The following ZNF329 variants were observed in gnomAD, a reference collection of about 807,000 sequenced individuals.
ZNF329 encodes zinc finger protein 329.
Under a neutral mutation model 26.6 loss-of-function variants are expected in ZNF329, and 15 were observed. That is an observed-to-expected ratio of 0.56 (90% confidence interval 0.38 to 0.87). The LOEUF (loss-of-function observed/expected upper bound fraction) is 0.87. Among genes scored for constraint, ZNF329 ranks in the 40% least tolerant of loss-of-function variants. The pLI, the probability that ZNF329 is intolerant of heterozygous loss-of-function variation, is 0.00. For synonymous variants in ZNF329, 239 were observed against 233.5 expected, an observed-to-expected ratio of 1.02 and a Z score of -0.21; for missense variants, 651 against 651.9, an observed-to-expected ratio of 1.00 and a Z score of 0.02.
At chr19:58,144,270 G>C (rs970826882) in intron 1 of ZNF329, among the ~76,000 whole-genome samples, 7 of 151,282 alleles carry the variant, frequency 4.6e-5, no homozygotes, top group African/African-American at 1.7e-4. Flanking sequence ...CGCCTCCTGG[G>C]TTCAAGCAAT....
At chr19:58,153,551 AC>A (rs1369770585), upstream of ZNF329, among the ~76,000 whole-genome samples, 3 of 152,212 alleles carry the variant, frequency 2.0e-5, no homozygotes, top group Admixed American at 6.5e-5. Flanking sequence ...ATAATACTAA[AC>A]AAACAAGTGT....
At chr19:58,136,705 A>AT (rs2075077867) in intron 3 of ZNF329, 1 of 150,946 alleles carries the variant, frequency 6.6e-6, no homozygotes, top group African/African-American at 2.4e-5. Flanking sequence ...AAAAAAAAAA[A>AT]AAAGGGACTA....
Position 58,147,134 on chromosome 19 carries a change from TGA to T in ZNF329, c.-208+3616_-208+3617del, listed in dbSNP as rs1462441500. Among the ~76,000 whole-genome samples the T allele has an allele frequency of 4.7e-3, 674 of 144,100 alleles. 3 individuals are homozygous for T. The highest frequency in any genetic ancestry group is 7.1e-3 in the Non-Finnish European group (471 of 66,502). The allele number at this position is 144,100 out of a possible 152,430, so 94.5% of individuals were successfully genotyped here. On this transcript the variant is annotated intron_variant, in intron 1 of 3. Coordinates refer to ENST00000598312, the MANE Select transcript of ZNF329 (RefSeq NM_024620.4). ...CGTCTCTGCCCGGCCGCCCATCGTC[TGA>T]GATGTGGGGAGCGCCTCTGCCCCGC...
chr19:58,143,495 A>G (rs1180571913), intron 1 of ZNF329, among the ~76,000 whole-genome samples: 1 of 152,192 alleles, frequency 6.6e-6, no homozygotes, highest in Non-Finnish European at 1.5e-5. Context: ...AAAAGAAGAG[A>G]GGAAAAAGAG....
At chr19:58,147,806 T>G (rs1163427902) in intron 1 of ZNF329, among the ~76,000 whole-genome samples, 1 of 145,272 alleles carries the variant, frequency 6.9e-6, no homozygotes, top group Non-Finnish European at 1.5e-5. Flanking sequence ...AGCCGCCCCG[T>G]CCGGGAGGTG....
chr19:58,153,501 C>T (rs556718324), upstream of ZNF329, among the ~76,000 whole-genome samples: 41 of 152,272 alleles, frequency 2.7e-4, no homozygotes, highest in Non-Finnish European at 5.1e-4. Flanking sequence ...ACCATAAGGT[C>T]TCTGCCATGA....
In ZNF329 at chr19:58,129,296, C is replaced by G; in HGVS notation, c.208G>C (p.Gly70Arg). 1 of 1,614,178 alleles carries G rather than the reference C, an allele frequency of 6.2e-7. No homozygotes were observed. ...TCTGAGCTTGCAATCAAATGCTCCC[C>G]AAAACCAGGATATTCACAAATTGCT... Reference protein sequence around the residue: ...QEAICEYPGFGEHLIASSDLP... With the variant: ...QEAICEYPGFREHLIASSDLP... The change falls in exon 4 of 4, where the codon GGG (glycine) becomes CGG (arginine). Residue 70 changes from glycine (G) to arginine (R), a missense_variant. Coordinates refer to ENST00000598312, the MANE Select transcript of ZNF329 (RefSeq NM_024620.4).
intron 3 of ZNF329, among the ~76,000 whole-genome samples, chr19:58,140,396 A>C (rs910811148): frequency 6.7e-6 from 1 of 149,842 alleles, no homozygotes; most frequent in Admixed American, 6.9e-5. Flanking sequence ...CATAAAAGCT[A>C]CAACTATAAA....
At chr19:58,144,942 C>T (rs1163219246) in intron 1 of ZNF329, among the ~76,000 whole-genome samples, 25 of 149,118 alleles carry the variant, frequency 1.7e-4, no homozygotes, top group Admixed American at 1.5e-3. Context: ...CTCTGCCTCC[C>T]GGGTTCACGC....
chr19:58,134,060 A>C (rs2075011572), intron 3 of ZNF329, among the ~76,000 whole-genome samples: 1 of 152,166 alleles, frequency 6.6e-6, no homozygotes, highest in African/African-American at 2.4e-5. Context: ...TGTAGTATAA[A>C]ACATCTAAGC....
At chr19:58,152,360 T>C (rs1231835292), upstream of ZNF329, among the ~76,000 whole-genome samples, 2 of 150,040 alleles carry the variant, frequency 1.3e-5, no homozygotes, top group Non-Finnish European at 3.0e-5. Context: ...TGAAACCCCA[T>C]CTCTAAAAAT....
chr19:58,150,854 C>T (rs915399021), upstream of ZNF329: 2 of 152,774 alleles, frequency 1.3e-5, no homozygotes, highest in Admixed American at 6.5e-5. Flanking sequence ...CCCCGCCCAA[C>T]GCTGGGGCGG....
At chr19:58,142,300 G>A (rs1239361052) in intron 3 of ZNF329, among the ~76,000 whole-genome samples, 1 of 152,110 alleles carries the variant, frequency 6.6e-6, no homozygotes, top group Non-Finnish European at 1.5e-5. Context: ...GATTGACTGT[G>A]GCAATGGATA....
At position 58,126,306 on chromosome 19, in the gene ZNF329, G is replaced by A. The variant is rs1018113852; in HGVS notation, c.*1572C>T. On this transcript the variant is annotated 3_prime_UTR_variant, in exon 4 of 4. Coordinates refer to ENST00000598312, the MANE Select transcript of ZNF329 (RefSeq NM_024620.4). ...ATTATGCCAACAAGTATCTGTAACA[G>A]AGAAAAAAATATGATACAAAATTCC... is the stretch of plus-strand genomic sequence containing the variant. 6.6e-6 allele frequency: 1 copy of A among 151,954 alleles called. No individual in the cohort carries two copies. The highest frequency in any genetic ancestry group is 2.4e-5 in the African/African-American group (1 of 41,352). 9.4% of individuals were successfully genotyped at this position (151,954 alleles called of 1,614,324 possible). A position where few individuals can be genotyped will look rare whatever the true frequency, so the allele number is the denominator to read the frequency against.
At chr19:58,153,141 ACT>A (rs1169708847), upstream of ZNF329, among the ~76,000 whole-genome samples, 2 of 151,940 alleles carry the variant, frequency 1.3e-5, no homozygotes, top group African/African-American at 4.8e-5. Flanking sequence ...ACTGAGTCTC[ACT>A]CTGTCCCCCA....
At chr19:58,144,392 A>T (rs1186254605) in intron 1 of ZNF329, among the ~76,000 whole-genome samples, 6 of 88,160 alleles carry the variant, frequency 6.8e-5, no homozygotes, top group Admixed American at 3.2e-4. Flanking sequence ...ATATATATAT[A>T]TATATTTTTT....
intron 3 of ZNF329, among the ~76,000 whole-genome samples, chr19:58,139,182 C>T (rs1178853167): frequency 6.6e-6 from 1 of 151,916 alleles, no homozygotes; most frequent in Non-Finnish European, 1.5e-5. Context: ...CCATTTCATC[C>T]ATAACAGATA....
intron 3 of ZNF329, among the ~76,000 whole-genome samples, chr19:58,136,157 G>A (rs1358980645): frequency 6.6e-6 from 1 of 151,654 alleles, no homozygotes; most frequent in African/African-American, 2.4e-5. Flanking sequence ...CTTGAACCTG[G>A]GAGGCAGAGG....
chr19:58,132,948 G>A (rs1180201448), intron 3 of ZNF329, among the ~76,000 whole-genome samples: 1 of 151,990 alleles, frequency 6.6e-6, no homozygotes, highest in Admixed American at 6.6e-5. Flanking sequence ...CAGTAGCTGG[G>A]ACTACAGGTG....
Sources: gnomAD v4.1 joint callset for allele counts (sites outside exome capture counted in the v4.1 genomes callset) on GRCh38, gnomAD v4.1.1 for gene constraint, MANE v1.5 for transcripts, NCBI Gene and HGNC (gene_info 2026-07-23, HGNC 2026-07-21) for gene names.